DFFB: variants seen among roughly 807,000 people sequenced by gnomAD.
The protein encoded by DFFB is DNA fragmentation factor subunit beta.
In DFFB, 29 loss-of-function variants were observed where a neutral mutation model predicts 32.7. The observed-to-expected ratio is 0.89, with a 90% CI of 0.66 to 1.21. The LOEUF is 1.21. DFFB is among the 50% of genes most tolerant of loss of function. DFFB has a pLI of 0.00. For missense variants in DFFB, 398 were observed against 440.6 expected (o/e 0.90, Z 0.87); for synonymous variants, 170 against 177.1 (o/e 0.96, Z 0.32).
intron 3 of DFFB, chr1:3,867,643 T>C: frequency 3.8e-6 from 1 of 261,668 alleles, no homozygotes; most frequent in Non-Finnish European, 7.5e-6. Context: ...GCTTGAGCCC[T>C]GGAGTTCAAG....
rs201643300 is a variant in DFFB, at chr1:3,869,565, G to T, written c.511-40G>T. The stretch of plus-strand genomic sequence containing the variant: ...CGAGAGCCAGTGCGGGTTTTGGGGC[G>T]CTGTGCACCAGGCTCACCGACGTTC... On this transcript the variant is annotated intron_variant, in intron 4 of 6. Transcript: ENST00000378209. 1.6e-5 allele frequency: 25 copies of T among 1,579,404 alleles called. 1 individual carries two copies. The South Asian group carries it at 2.8e-4, about 18-fold the overall frequency.
intron 5 of DFFB, among the ~76,000 whole-genome samples, chr1:3,870,935 C>T (rs1180366045): frequency 2.6e-5 from 4 of 152,188 alleles, no homozygotes; most frequent in South Asian, 2.1e-4. Flanking sequence ...TGTCTGTTCA[C>T]GAATGAGTGT....
intron 6 of DFFB, chr1:3,873,045 A>C: frequency 8.4e-7 from 1 of 1,192,398 alleles, no homozygotes; most frequent in Non-Finnish European, 1.1e-6. Flanking sequence ...CCCAGGCTAA[A>C]GTGCAGTGGC....
chr1:3,861,714 C>G (rs935916477), intron 2 of DFFB, among the ~76,000 whole-genome samples: 1 of 152,230 alleles, frequency 6.6e-6, no homozygotes, highest in Non-Finnish European at 1.5e-5. Context: ...AGGCGTGAGC[C>G]ACCGCACCTG....
intron 3 of DFFB, among the ~76,000 whole-genome samples, chr1:3,867,247 G>A (rs1026768011): frequency 6.6e-5 from 10 of 152,200 alleles, no homozygotes; most frequent in Middle Eastern, 3.4e-3. Flanking sequence ...TACATACCAC[G>A]CCATCTATTC....
intron 6 of DFFB, among the ~76,000 whole-genome samples, chr1:3,877,406 G>A (rs572965055): frequency 6.7e-4 from 94 of 141,020 alleles, no homozygotes; most frequent in African/African-American, 2.4e-3. Flanking sequence ...TCGACTCACT[G>A]CAACCTCTGC....
intron 6 of DFFB, chr1:3,872,907 CAG>C (rs1185511962): frequency 3.5e-5 from 43 of 1,216,046 alleles, no homozygotes; most frequent in South Asian, 3.2e-4. Flanking sequence ...CCTTGGCTGT[CAG>C]AGGTTCTGAA....
chr1:3,872,517 C>G lies in DFFB; in HGVS notation c.727C>G (p.Pro243Ala), dbSNP rs746125016. 1 of 1,614,186 alleles carries G rather than the reference C, an allele frequency of 6.2e-7. No homozygotes were observed. Among genetic ancestry groups the G allele is most frequent in the Non-Finnish European group, 8.5e-7 (1 of 1,180,030 alleles). Residue 243 changes from proline (P) to alanine (A), a missense_variant, in exon 6 of 7, where the codon CCC (proline) becomes GCC (alanine). Physicochemically the swap from Pro to Ala is conservative, Grantham distance 27 (BLOSUM62 -1). Transcript: ENST00000378209. Reference sequence around the variant, plus strand: ...CTGCTTATCAAGACACTCCATCAACCCCTACAGTAACAGGGAGAGCAGGAT... The same window carrying G: ...CTGCTTATCAAGACACTCCATCAACGCCTACAGTAACAGGGAGAGCAGGAT... The part of the protein sequence containing the change: ...DSCLSRHSIN[P>A]YSNRESRILF...
chr1:3,871,369 C>G (rs946976381), intron 5 of DFFB, among the ~76,000 whole-genome samples: 11 of 152,198 alleles, frequency 7.2e-5, no homozygotes, highest in Non-Finnish European at 1.5e-4. Flanking sequence ...TCACTGCAAC[C>G]TCTGCCTCCC....
intron 4 of DFFB, among the ~76,000 whole-genome samples, chr1:3,869,403 G>A (rs1227903652): frequency 6.6e-6 from 1 of 152,206 alleles, no homozygotes; most frequent in Non-Finnish European, 1.5e-5. Flanking sequence ...GGCTGGTGTG[G>A]TTCCCTCCAT....
chr1:3,867,862 G>T (rs1490550931), intron 3 of DFFB, 112 bp from the exon 4 acceptor site: 1 of 884,760 alleles, frequency 1.1e-6, no homozygotes, highest in Admixed American at 1.9e-5. Flanking sequence ...AAAAGATGAA[G>T]CAGTATGACC....
chr1:3,859,471 A>G (rs1644837292), intron 2 of DFFB, among the ~76,000 whole-genome samples: 1 of 152,176 alleles, frequency 6.6e-6, no homozygotes, highest in Non-Finnish European at 1.5e-5. Context: ...AGATGCCATC[A>G]TGTGCCTTTA....
intron 5 of DFFB, among the ~76,000 whole-genome samples, chr1:3,872,176 A>C (rs985528479): frequency 1.3e-5 from 2 of 152,312 alleles, no homozygotes; most frequent in African/African-American, 4.8e-5. Context: ...GCACTTTGGG[A>C]GGCCAAGGCG....
chr1:3,880,291 G>A (rs1645309593), intron 6 of DFFB, among the ~76,000 whole-genome samples: 1 of 152,224 alleles, frequency 6.6e-6, no homozygotes, highest in Non-Finnish European at 1.5e-5. Context: ...CACAGGGAGG[G>A]GACAGCTGGA....
intron 5 of DFFB, among the ~76,000 whole-genome samples, chr1:3,870,385 G>C (rs1645087810): frequency 6.6e-6 from 1 of 152,084 alleles, no homozygotes; most frequent in South Asian, 2.1e-4. Context: ...GGGGCCAGGT[G>C]GTGGGCATGG....
chr1:3,871,772 G>C (rs1262202799), intron 5 of DFFB, among the ~76,000 whole-genome samples: 1 of 152,238 alleles, frequency 6.6e-6, no homozygotes, highest in Non-Finnish European at 1.5e-5. Context: ...GGTTCAGCAG[G>C]CTGTACAGGA....
intron 4 of DFFB, 65 bp downstream of exon 4, chr1:3,868,118 A>G: frequency 7.0e-7 from 1 of 1,427,172 alleles, no homozygotes; most frequent in Non-Finnish European, 9.9e-7. Flanking sequence ...TGGGCTCTGG[A>G]AGCCTGTGGT....
In DFFB at chr1:3,865,141, G is replaced by A. The variant is rs541357621; in HGVS notation, c.242-671G>A. On this transcript the variant is annotated intron_variant, in intron 2 of 6. Coordinates refer to ENST00000378209, the MANE Select transcript of DFFB (RefSeq NM_004402.4). The surrounding 1 kb of genome is among the most constrained non-coding windows in gnomAD (Gnocchi z 4.7). ...TCAGTGTGTTGATTTTCTCTTTTAC[G>A]CAGTGCTTTTGATGTTAGGTCTAAG... 2.7e-4 allele frequency among the ~76,000 whole-genome samples: 41 copies of A among 151,726 alleles called. 1 individual carries two copies. In the South Asian group the frequency reaches 4.2e-3, roughly 15 times the overall value.
At chr1:3,883,133 A>G (rs1220927227) in intron 6 of DFFB, among the ~76,000 whole-genome samples, 1 of 151,706 alleles carries the variant, frequency 6.6e-6, no homozygotes, top group Non-Finnish European at 1.5e-5. Context: ...CCTCCCAAGT[A>G]GCTGGGATAA....
Sources: allele counts gnomAD v4.1 joint callset (sites outside exome capture counted in the v4.1 genomes callset), GRCh38; gene constraint gnomAD v4.1.1; non-coding constraint Gnocchi (gnomAD v3.1); transcripts MANE v1.5; gene names NCBI Gene and HGNC (gene_info 2026-07-23, HGNC 2026-07-21).